Variants in RPL3L observed in about 807,000 individuals in gnomAD.
RPL3L encodes ribosomal protein L3 like.
RPL3L carries 44 observed loss-of-function variants against 44.5 expected under a neutral mutation model. The ratio of observed to expected loss-of-function variants is 0.99; its 90% CI spans 0.78 to 1.27. The LOEUF (loss-of-function observed/expected upper bound fraction) is 1.27. RPL3L is among the 50% of genes most tolerant of loss of function. RPL3L has a pLI of 0.00. For synonymous variants in RPL3L, 292 were observed against 230.7 expected (o/e 1.27, Z -2.41); for missense variants, 631 against 569.1 (o/e 1.11, Z -1.11).
rs200832616 is a variant in RPL3L at position 1,949,265 on chromosome 16, T to C, written c.501+1579A>G. On this transcript the variant is annotated intron_variant, in intron 4 of 9. Coordinates refer to ENST00000268661, the MANE Select transcript of RPL3L (RefSeq NM_005061.3). ...TTTTGTTTTTTTTTTTTTTCTTTTT[T>C]TTTTTTTTTTTTTTTTGAGACTCTA... Among the ~76,000 whole-genome samples the C allele has an allele frequency of 5.6e-3, 328 of 58,978 alleles. 5 individuals carry two copies. The highest frequency in any genetic ancestry group is 0.016 in the East Asian group (10 of 640). 38.7% of individuals were successfully genotyped at this position (58,978 alleles called of 152,430 possible). A position where few individuals can be genotyped will look rare whatever the true frequency, so the allele number is the denominator to read the frequency against.
intron 3 of RPL3L, among the ~76,000 whole-genome samples, chr16:1,951,385 T>C (rs879645834): frequency 1.3e-5 from 2 of 152,096 alleles, no homozygotes; most frequent in African/African-American, 2.4e-5. Flanking sequence ...AGCCATCCTT[T>C]CTTTTTTGTT....
intron 3 of RPL3L, among the ~76,000 whole-genome samples, chr16:1,952,612 G>C (rs1597029661): frequency 6.6e-6 from 1 of 151,138 alleles, no homozygotes. Flanking sequence ...CTGACCTCAA[G>C]TGATCCACCC....
chr16:1,953,742 C>A (rs1057328236), intron 2 of RPL3L, among the ~76,000 whole-genome samples: 2 of 152,232 alleles, frequency 1.3e-5, no homozygotes, highest in African/African-American at 4.8e-5. Context: ...TTCCTCACTG[C>A]TTTGTGCCTC....
chr16:1,954,132 G>C lies in RPL3L; in HGVS notation c.20C>G (p.Ser7Cys). 6.3e-7 allele frequency: 1 copy of C among 1,588,172 alleles called. No individual in the cohort carries two copies. The highest frequency in any genetic ancestry group is 1.8e-5 in the Admixed American group (1 of 55,984). ...GCCCAGGTGTCCGTGCCGAGGGGCGGAAAACTTCCGGTGGGACTGGGGGGC... is the reference window on the plus strand; with the variant it reads ...GCCCAGGTGTCCGTGCCGAGGGGCGCAAAACTTCCGGTGGGACTGGGGGGC... MSHRKF[S>C]APRHGHLGFL... The change falls in exon 2 of 10, where the codon TCC (serine) becomes TGC (cysteine). Residue 7 changes from serine (S) to cysteine (C), a missense_variant. Physicochemically the swap from Ser to Cys is moderately radical, Grantham distance 112. Coordinates refer to ENST00000268661, the MANE Select transcript of RPL3L (RefSeq NM_005061.3).
chr16:1,948,408 T>A (rs968694485), intron 4 of RPL3L, among the ~76,000 whole-genome samples: 1 of 152,052 alleles, frequency 6.6e-6, no homozygotes, highest in African/African-American at 2.4e-5. Context: ...GTATTTTTAG[T>A]ACAGTTGGGG....
Position 1,945,862 on chromosome 16 carries a change from G to A in RPL3L, c.1020C>T (p.Thr340=). Reference sequence around the variant, plus strand: ...TTCTCAGCGTAATGACCCGCTTCTTGGTACCAGCAATACAACCCTTCAGCA... The same window carrying A: ...TTCTCAGCGTAATGACCCGCTTCTTAGTACCAGCAATACAACCCTTCAGCA... The part of the protein sequence containing the change: ...FVMLKGCIAG[T]KKRVITLRKS... Residue 340 remains threonine (T), a synonymous_variant, in exon 8 of 10, where the codon ACC becomes ACT. Coordinates refer to ENST00000268661, the MANE Select transcript of RPL3L (RefSeq NM_005061.3). 2 of 1,613,992 alleles carry A rather than the reference G, an allele frequency of 1.2e-6. No individual in the cohort carries two copies. The highest frequency in any genetic ancestry group is 1.3e-5 in the African/African-American group (1 of 75,044).
Position 1,953,963 on chromosome 16 carries a change from C to A in RPL3L, c.189G>T (p.Pro63=). Residue 63 remains proline (P), a synonymous_variant, in exon 2 of 10, where the codon CCG becomes CCT. Coordinates refer to ENST00000268661, the MANE Select transcript of RPL3L (RefSeq NM_005061.3). ...MTHTLREVHR[P]GLKISKREEV... The stretch of plus-strand genomic sequence containing the variant: ...GTCCCAACTGTGACTCACTGAGCCC[C>A]GGCCGGTGCACCTCCCGCAGGGTGT... The A allele has an allele frequency of 1.3e-6, 2 of 1,534,616 alleles. No individual in the cohort carries two copies. The highest frequency in any genetic ancestry group is 2.4e-5 in the East Asian group (1 of 41,464).
At chr16:1,945,336 C>T (rs888355104) in intron 9 of RPL3L, among the ~76,000 whole-genome samples, 163 bp downstream of exon 9, 19 of 136,820 alleles carry the variant, frequency 1.4e-4, no homozygotes, top group African/African-American at 4.6e-4. Flanking sequence ...GCCTGGGTGA[C>T]AGAGCGAGAC....
chr16:1,949,982 G>A (rs2083159734), intron 4 of RPL3L, among the ~76,000 whole-genome samples: 1 of 134,814 alleles, frequency 7.4e-6, no homozygotes, highest in Admixed American at 7.3e-5. Flanking sequence ...GACGGGGCAG[G>A]TATGGACAGG....
At chr16:1,953,809 T>G in intron 2 of RPL3L, 147 bp downstream of exon 2, 1 of 801,964 alleles carries the variant, frequency 1.2e-6, no homozygotes, top group Non-Finnish European at 1.8e-6. Context: ...GCCCTGCCTG[T>G]GCTCAGCGTC....
chr16:1,950,486 A>T (rs1192994905), intron 4 of RPL3L, among the ~76,000 whole-genome samples: 3 of 152,116 alleles, frequency 2.0e-5, no homozygotes, highest in African/African-American at 7.2e-5. Context: ...CTGTCAGCCT[A>T]CAGCAAGCCA....
At chr16:1,947,425 A>AC in intron 4 of RPL3L, 45 bp from the exon 5 acceptor site, 1 of 1,476,738 alleles carries the variant, frequency 6.8e-7, no homozygotes, top group Non-Finnish European at 9.0e-7. Context: ...ACGGGATCAC[A>AC]CCCCCACCTG....
rs201846891 is a variant in RPL3L at position 1,952,996 on chromosome 16, C to A, written c.243G>T (p.Thr81=). ...CCACGCCCACCACCACTAGGGGCGG[C>A]GTTTCTACAATTGTCACCGCCTCCA... ...EEVEAVTIVE[T]PPLVVVGVVG... The change falls in exon 3 of 10, where the codon ACG becomes ACT. Residue 81 remains threonine (T), a synonymous_variant. Transcript: ENST00000268661. 1 of 1,610,358 alleles carries A rather than the reference C, an allele frequency of 6.2e-7. No individual in the cohort carries two copies. The highest frequency in any genetic ancestry group is 8.5e-7 in the Non-Finnish European group (1 of 1,178,624).
chr16:1,948,041 C>T lies in RPL3L; in HGVS notation c.502-661G>A, dbSNP rs187217631. Among the ~76,000 whole-genome samples the T allele has an allele frequency of 9.3e-3, 1,381 of 148,708 alleles. 23 individuals are homozygous for T. The highest frequency in any genetic ancestry group is 0.032 in the African/African-American group (1,309 of 40,482). On this transcript the variant is annotated intron_variant, in intron 4 of 9. Coordinates refer to ENST00000268661, the MANE Select transcript of RPL3L (RefSeq NM_005061.3). ...CAAGCTCTGCCTCCCGGGTTCACGC[C>T]ATTCCCCTGCCTCAGCCTCCTGAGT...
At chr16:1,947,504 G>C (rs919945126) in intron 4 of RPL3L, 124 bp from the exon 5 acceptor site, 4 of 1,212,058 alleles carry the variant, frequency 3.3e-6, no homozygotes, top group Admixed American at 5.8e-5. Flanking sequence ...GTGTTCCCAG[G>C]ATCAGGTTGC....
intron 3 of RPL3L, among the ~76,000 whole-genome samples, chr16:1,951,209 C>T (rs1254958648): frequency 6.6e-6 from 1 of 152,184 alleles, no homozygotes; most frequent in Non-Finnish European, 1.5e-5. Flanking sequence ...CCCTGTTTCC[C>T]GGGGCCTGAG....
At chr16:1,945,028 T>A in intron 9 of RPL3L, 135 bp from the exon 10 acceptor site, 2 of 1,135,080 alleles carry the variant, frequency 1.8e-6, no homozygotes, top group Non-Finnish European at 2.6e-6. Context: ...CCTTCTCTTC[T>A]AAAGAATCAG....
chr16:1,948,991 G>A (rs189690979), intron 4 of RPL3L, among the ~76,000 whole-genome samples: 24 of 149,472 alleles, frequency 1.6e-4, no homozygotes, highest in East Asian at 1.4e-3. Flanking sequence ...AATTACAGAC[G>A]TGAGCCACCG....
At position 1,947,004 on chromosome 16, in the gene RPL3L, G is replaced by A. The variant is rs143335262; in HGVS notation, c.783C>T (p.Arg261=). Residue 261 remains arginine, a synonymous_variant, in exon 6 of 10, where the codon CGC becomes CGT. Transcript: ENST00000268661. ...CGGCCCGAGCAATGGAGCAGCCCAC[G>A]CGGGCGGGGTGCCAGGCGCCAATGC... The part of the protein sequence containing the change: ...VACIGAWHPA[R]VGCSIARAGQ... 59 of 1,611,790 alleles carry A rather than the reference G, an allele frequency of 3.7e-5. No individual in the cohort carries two copies. The highest frequency in any genetic ancestry group is 5.3e-5 in the African/African-American group (4 of 74,906).
Sources: allele counts gnomAD v4.1 joint callset (sites outside exome capture counted in the v4.1 genomes callset), GRCh38; gene constraint gnomAD v4.1.1; transcripts MANE v1.5; gene names NCBI Gene and HGNC (gene_info 2026-07-23, HGNC 2026-07-21).